Variants in PTCHD4 observed in about 807,000 individuals in gnomAD.
PTCHD4 encodes the protein patched domain containing 4, also known as patched domain-containing protein 4.
In PTCHD4, 33 loss-of-function variants were observed where a neutral mutation model predicts 58.1. That is an observed-to-expected ratio of 0.57 (90% CI 0.43 to 0.76). The LOEUF is 0.76. PTCHD4 is among the 30% of genes least tolerant of loss of function. The pLI, the probability that PTCHD4 is intolerant of heterozygous loss-of-function variation, is 0.00. For synonymous variants in PTCHD4, 478 were observed against 409.6 expected (o/e 1.17, Z -2.02); for missense variants, 1,058 against 1,027.1 (o/e 1.03, Z -0.41).
At chr6:47,983,142 G>T (rs1202526340) in intron 4 of PTCHD4, among the ~76,000 whole-genome samples, 1 of 152,074 alleles carries the variant, frequency 6.6e-6, no homozygotes, top group Non-Finnish European at 1.5e-5. Flanking sequence ...ACATCAAAAA[G>T]TCAAATAAAT....
At chr6:48,062,391 A>G (rs1582096542) in intron 3 of PTCHD4, among the ~76,000 whole-genome samples, 1 of 152,264 alleles carries the variant, frequency 6.6e-6, no homozygotes, top group Non-Finnish European at 1.5e-5. Flanking sequence ...ACTAAAGGAA[A>G]CTATCATCAG....
chr6:48,071,208 C>T (rs994930613), intron 1 of PTCHD4, among the ~76,000 whole-genome samples: 2 of 152,076 alleles, frequency 1.3e-5, no homozygotes, highest in Non-Finnish European at 2.9e-5. Context: ...TTTTCTTATT[C>T]GCTTCATTTC....
chr6:48,043,061 T>C (rs570847809), intron 3 of PTCHD4, among the ~76,000 whole-genome samples: 1 of 152,032 alleles, frequency 6.6e-6, no homozygotes, highest in South Asian at 2.1e-4. Flanking sequence ...TCGGTGACTA[T>C]GTTGATAATA....
At chr6:48,035,476 AGAAAAAGGGGATAGG>A (rs1763600788) in intron 3 of PTCHD4, among the ~76,000 whole-genome samples, 1 of 152,136 alleles carries the variant, frequency 6.6e-6, no homozygotes, top group Non-Finnish European at 1.5e-5. Flanking sequence ...ATTATGAATC[AGAAAAAGGGGATAGG>A]GCCTACCAAT....
intron 3 of PTCHD4, among the ~76,000 whole-genome samples, chr6:48,035,726 C>A (rs989261917): frequency 6.6e-6 from 1 of 152,144 alleles, no homozygotes; most frequent in African/African-American, 2.4e-5. Flanking sequence ...TCAGGTTCCT[C>A]ATTCTGCATT....
intron 1 of PTCHD4, among the ~76,000 whole-genome samples, chr6:48,107,949 C>T (rs1765771362): frequency 6.6e-6 from 1 of 152,162 alleles, no homozygotes; most frequent in Non-Finnish European, 1.5e-5. Flanking sequence ...AGTCAGGAAA[C>T]AACAGGTGCT....
intron 4 of PTCHD4, among the ~76,000 whole-genome samples, chr6:47,941,369 G>C (rs921343431): frequency 6.6e-6 from 1 of 152,148 alleles, no homozygotes; most frequent in Non-Finnish European, 1.5e-5. Context: ...AGCCTGGGGA[G>C]ACCTTCTCAG....
At chr6:47,899,699 T>G in intron 4 of PTCHD4, 1 of 298,328 alleles carries the variant, frequency 3.4e-6, no homozygotes, top group East Asian at 1.7e-4. Flanking sequence ...TACTACAAAG[T>G]TGTGCAATGA....
At position 48,016,072 on chromosome 6, in the gene PTCHD4, T is replaced by A. The variant is rs796117768; in HGVS notation, c.418-6958A>T. On this transcript the variant is annotated intron_variant, in intron 3 of 4. Transcript: ENST00000339488. ...CTTTCTCAGTCTGCTTATTCTAGTATAATATTTCCCCCAAATATGTTTCTT... is the reference window on the plus strand; with the variant it reads ...CTTTCTCAGTCTGCTTATTCTAGTAAAATATTTCCCCCAAATATGTTTCTT... 1.7e-4 allele frequency among the ~76,000 whole-genome samples: 26 copies of A among 152,086 alleles called. 1 individual carries two copies. The highest frequency in any genetic ancestry group is 6.3e-4 in the African/African-American group (26 of 41,390).
intron 4 of PTCHD4, among the ~76,000 whole-genome samples, chr6:47,906,442 A>C (rs1764889579): frequency 6.6e-6 from 1 of 152,120 alleles, no homozygotes; most frequent in Non-Finnish European, 1.5e-5. Flanking sequence ...CTTTACTCGC[A>C]TTCAAGAGAT....
chr6:47,980,033 C>A (rs1767823744), intron 4 of PTCHD4, among the ~76,000 whole-genome samples: 1 of 151,946 alleles, frequency 6.6e-6, no homozygotes, highest in African/African-American at 2.4e-5. Context: ...ATGGACACAC[C>A]AATATACCTT....
At chr6:47,918,591 G>T (rs1765332903) in intron 4 of PTCHD4, among the ~76,000 whole-genome samples, 1 of 152,038 alleles carries the variant, frequency 6.6e-6, no homozygotes, top group South Asian at 2.1e-4. Context: ...ATATTTAACT[G>T]TTCCAAATGC....
At chr6:48,095,828 G>T (rs9473238) in intron 1 of PTCHD4, among the ~76,000 whole-genome samples, 2 of 151,778 alleles carry the variant, frequency 1.3e-5, no homozygotes, top group Non-Finnish European at 2.9e-5. Flanking sequence ...TGCATCAGTT[G>T]TCAGGATGCC....
At chr6:47,935,260 T>C (rs998320625) in intron 4 of PTCHD4, among the ~76,000 whole-genome samples, 2 of 152,208 alleles carry the variant, frequency 1.3e-5, no homozygotes, top group African/African-American at 4.8e-5. Flanking sequence ...AATTGGGAAG[T>C]CTATCATTCG....
chr6:48,044,463 T>C (rs1763962514), intron 3 of PTCHD4, among the ~76,000 whole-genome samples: 1 of 151,872 alleles, frequency 6.6e-6, no homozygotes. Context: ...AACTTGGAGC[T>C]GAGGGTATCT....
chr6:47,980,662 A>T lies in PTCHD4; in HGVS notation c.898+27972T>A, dbSNP rs528110720. 3.9e-5 allele frequency among the ~76,000 whole-genome samples: 6 copies of T among 152,114 alleles called. No homozygotes were observed. In the East Asian group the frequency reaches 1.2e-3, roughly 29 times the overall value. On this transcript the variant is annotated intron_variant, in intron 4 of 4. Transcript: ENST00000339488. ...ATGATTAAACTTTGCATGAAATTTT[A>T]TTTATAATGATAAAGTTTCAAAGTA...
chr6:47,973,286 G>C (rs116511072), intron 4 of PTCHD4, among the ~76,000 whole-genome samples: 1 of 152,050 alleles, frequency 6.6e-6, no homozygotes, highest in Non-Finnish European at 1.5e-5. Context: ...GCCAAAATTT[G>C]GTTCATACCT....
At chr6:47,918,936 C>T (rs1014024367) in intron 4 of PTCHD4, among the ~76,000 whole-genome samples, 1 of 152,038 alleles carries the variant, frequency 6.6e-6, no homozygotes, top group African/African-American at 2.4e-5. Flanking sequence ...TTTCTCCCAC[C>T]CTGCTGGCTG....
At chr6:47,961,299 T>A (rs1272920739) in intron 4 of PTCHD4, among the ~76,000 whole-genome samples, 1 of 151,680 alleles carries the variant, frequency 6.6e-6, no homozygotes, top group Non-Finnish European at 1.5e-5. Context: ...TTCTTTTTTT[T>A]TTTTCTTTCT....
Sources: gnomAD v4.1 joint callset for allele counts (sites outside exome capture counted in the v4.1 genomes callset) on GRCh38, gnomAD v4.1.1 for gene constraint, MANE v1.5 for transcripts, NCBI Gene and HGNC (gene_info 2026-07-23, HGNC 2026-07-21) for gene names.